The following GRIN2A variants were observed in gnomAD, a reference collection of about 807,000 sequenced individuals.
GRIN2A encodes glutamate ionotropic receptor NMDA type subunit 2A.
Under a neutral mutation model 113.4 loss-of-function variants are expected in GRIN2A, and 22 were observed. The observed-to-expected ratio is 0.19, with a 90% CI of 0.14 to 0.28. GRIN2A has a LOEUF of 0.28. GRIN2A is among the 10% of genes least tolerant of loss of function. GRIN2A has a pLI of 1.00. For synonymous variants in GRIN2A, 827 were observed against 738.4 expected, an observed-to-expected ratio of 1.12 and a Z score of -1.94; for missense variants, 1,502 against 1,887.0, an observed-to-expected ratio of 0.80 and a Z score of 3.78.
chr16:10,110,170 GAAC>G (rs1021233461), intron 2 of GRIN2A, among the ~76,000 whole-genome samples: 59 of 151,266 alleles, frequency 3.9e-4, no homozygotes, highest in African/African-American at 1.2e-3. Context: ...GTCAAGTGAA[GAAC>G]AACAAGAAAG....
intron 2 of GRIN2A, chr16:10,112,366 T>G: frequency 3.0e-6 from 2 of 668,308 alleles, no homozygotes; most frequent in Non-Finnish European, 2.7e-6. Context: ...TGCAGCTCTA[T>G]CTGCATCACC....
At position 9,763,502 on chromosome 16, in the gene GRIN2A, G is replaced by A. The variant is rs1182663286; in HGVS notation, c.4042C>T (p.Leu1348=). Residue 1348 remains leucine (L), a synonymous_variant, in exon 13 of 13, where the codon CTG becomes TTG. Coordinates refer to ENST00000330684, the MANE Select transcript of GRIN2A (RefSeq NM_001134407.3). ...GKKSSLFPQG[L]EDSKRSKSLL... Reference sequence around the variant, plus strand: ...GACTTGCTCCTCTTGCTGTCCTCCAGACCTTGGGGGAAAAGGGAGCTTTTT... The same window carrying A: ...GACTTGCTCCTCTTGCTGTCCTCCAAACCTTGGGGGAAAAGGGAGCTTTTT... 2.0e-5 allele frequency: 33 copies of A among 1,613,942 alleles called. No homozygotes were observed. The highest frequency in any genetic ancestry group is 2.7e-5 in the Non-Finnish European group (32 of 1,180,002).
chr16:10,136,218 T>C (rs1893879028), intron 2 of GRIN2A, among the ~76,000 whole-genome samples: 1 of 152,118 alleles, frequency 6.6e-6, no homozygotes, highest in Admixed American at 6.6e-5. Flanking sequence ...GGAAAGCCAA[T>C]ATTGTAAATA....
At chr16:10,047,742 C>G (rs150354382) in intron 2 of GRIN2A, among the ~76,000 whole-genome samples, 1 of 152,172 alleles carries the variant, frequency 6.6e-6, no homozygotes, top group Non-Finnish European at 1.5e-5. Flanking sequence ...TTAATATATC[C>G]TTTTCTGCCC....
intron 11 of GRIN2A, among the ~76,000 whole-genome samples, chr16:9,770,123 T>A (rs890214782): frequency 2.6e-5 from 4 of 152,232 alleles, no homozygotes; most frequent in African/African-American, 9.6e-5. Context: ...AATTCTCTGA[T>A]CTATATGTCT....
chr16:10,025,488 G>A (rs1254165593), intron 2 of GRIN2A, among the ~76,000 whole-genome samples: 2 of 151,552 alleles, frequency 1.3e-5, no homozygotes, highest in Non-Finnish European at 2.9e-5. Flanking sequence ...TTTTTGGAGG[G>A]ACAGGGTCTC....
intron 2 of GRIN2A, among the ~76,000 whole-genome samples, chr16:10,133,131 T>G (rs1306886426): frequency 1.3e-5 from 2 of 152,188 alleles, no homozygotes; most frequent in Non-Finnish European, 2.9e-5. Flanking sequence ...ATCCATAACT[T>G]AATCACATCT....
intron 2 of GRIN2A, among the ~76,000 whole-genome samples, chr16:9,950,774 G>T (rs2045160672): frequency 6.6e-6 from 1 of 152,138 alleles, no homozygotes; most frequent in African/African-American, 2.4e-5. Context: ...TGAGAAACTG[G>T]CTCAACCCCT....
chr16:9,951,530 A>T (rs1167013937), intron 2 of GRIN2A, among the ~76,000 whole-genome samples: 5 of 152,220 alleles, frequency 3.3e-5, no homozygotes, highest in African/African-American at 1.2e-4. Context: ...TAAGCTGGGC[A>T]GCCTGTCCAA....
chr16:10,034,640 G>A (rs1186691292), intron 2 of GRIN2A, among the ~76,000 whole-genome samples: 1 of 150,298 alleles, frequency 6.7e-6, no homozygotes, highest in South Asian at 2.2e-4. Flanking sequence ...AGGTCAAGAG[G>A]TAAAGGTGTC....
intron 2 of GRIN2A, among the ~76,000 whole-genome samples, chr16:10,178,274 C>G (rs373926136): frequency 1.3e-5 from 2 of 152,166 alleles, no homozygotes; most frequent in Admixed American, 6.5e-5. Context: ...CATGCTCAGC[C>G]CCTCCCACAA....
chr16:9,928,685 C>T (rs2044521974), intron 3 of GRIN2A, among the ~76,000 whole-genome samples: 1 of 152,086 alleles, frequency 6.6e-6, no homozygotes, highest in Non-Finnish European at 1.5e-5. Context: ...AGCCCCATCA[C>T]CTCCTCATCT....
intron 2 of GRIN2A, among the ~76,000 whole-genome samples, chr16:9,983,813 A>G (rs1253807482): frequency 1.3e-5 from 2 of 152,178 alleles, no homozygotes; most frequent in Non-Finnish European, 2.9e-5. Flanking sequence ...CTGTTAATTC[A>G]GTGGTTGATT....
intron 2 of GRIN2A, among the ~76,000 whole-genome samples, chr16:9,956,824 G>C (rs759654715): frequency 6.6e-6 from 1 of 152,162 alleles, no homozygotes; most frequent in Non-Finnish European, 1.5e-5. Flanking sequence ...AGGCAAAGAG[G>C]AGAGGACAGA....
At chr16:10,090,200 G>A (rs867418076) in intron 2 of GRIN2A, among the ~76,000 whole-genome samples, 7 of 151,738 alleles carry the variant, frequency 4.6e-5, no homozygotes, top group South Asian at 4.2e-4. Context: ...AGAGGGAGGG[G>A]TTTCCAGTAG....
intron 2 of GRIN2A, among the ~76,000 whole-genome samples, chr16:10,105,228 G>A (rs958224033): frequency 2.6e-5 from 4 of 152,100 alleles, no homozygotes; most frequent in East Asian, 3.9e-4. Context: ...CAGCAATGCT[G>A]ACCACGACCA....
At chr16:10,081,169 G>C (rs759270545) in intron 2 of GRIN2A, among the ~76,000 whole-genome samples, 5 of 152,204 alleles carry the variant, frequency 3.3e-5, no homozygotes, top group African/African-American at 9.7e-5. Context: ...CCTGAGGTTA[G>C]CATGAGGCAA....
intron 2 of GRIN2A, among the ~76,000 whole-genome samples, chr16:10,174,211 A>T (rs2050100691): frequency 1.3e-5 from 2 of 152,200 alleles, no homozygotes. Flanking sequence ...CATCTGCACC[A>T]TCCACCATTA....
intron 2 of GRIN2A, among the ~76,000 whole-genome samples, chr16:10,015,503 A>G (rs909582867): frequency 6.7e-6 from 1 of 150,184 alleles, no homozygotes; most frequent in African/African-American, 2.5e-5. Context: ...AAATAATAAC[A>G]AAAATATTTT....
Sources: allele counts gnomAD v4.1 joint callset (sites outside exome capture counted in the v4.1 genomes callset), GRCh38; gene constraint gnomAD v4.1.1; transcripts MANE v1.5; gene names NCBI Gene and HGNC (gene_info 2026-07-23, HGNC 2026-07-21).